The following SLAIN2 variants were observed in gnomAD, a reference collection of about 807,000 sequenced individuals.
SLAIN2 encodes SLAIN family member 2.
A neutral mutation model predicts 56.6 loss-of-function variants in SLAIN2; 31 were observed. The ratio of observed to expected loss-of-function variants is 0.55; its 90% CI spans 0.41 to 0.74. SLAIN2 has a LOEUF of 0.74. Among genes scored for constraint, SLAIN2 ranks in the 30% least tolerant of loss-of-function variants. SLAIN2 has a pLI of 0.00. For synonymous variants in SLAIN2, 317 were observed against 284.9 expected (o/e 1.11, Z -1.13); for missense variants, 777 against 754.2 (o/e 1.03, Z -0.35).
intron 1 of SLAIN2, among the ~76,000 whole-genome samples, chr4:48,368,926 A>G (rs1484967234): frequency 1.3e-5 from 2 of 152,220 alleles, no homozygotes; most frequent in East Asian, 3.8e-4. Flanking sequence ...AGTTCTGTAG[A>G]TACATCTTTA....
intron 6 of SLAIN2, 94 bp from the exon 7 acceptor site, chr4:48,420,031 G>C: frequency 8.1e-7 from 1 of 1,234,274 alleles, no homozygotes; most frequent in Non-Finnish European, 1.1e-6. Context: ...GAATACACAT[G>C]TACTAGTGCC....
chr4:48,351,487 T>C (rs915053322), intron 1 of SLAIN2, among the ~76,000 whole-genome samples: 5 of 152,160 alleles, frequency 3.3e-5, no homozygotes, highest in South Asian at 4.1e-4. Context: ...TATTTGCCAT[T>C]GGTTATACTT....
At chr4:48,378,389 A>G (rs1051124850) in intron 3 of SLAIN2, among the ~76,000 whole-genome samples, 3 of 152,224 alleles carry the variant, frequency 2.0e-5, no homozygotes, top group African/African-American at 7.2e-5. Flanking sequence ...AAAACTACAG[A>G]GTTAAAACCT....
At chr4:48,381,058 C>T (rs935486850) in intron 4 of SLAIN2, among the ~76,000 whole-genome samples, 2 of 152,072 alleles carry the variant, frequency 1.3e-5, no homozygotes, top group Admixed American at 6.5e-5. Flanking sequence ...GTGGTATTGT[C>T]AGCTGGTTAG....
intron 6 of SLAIN2, among the ~76,000 whole-genome samples, chr4:48,391,571 A>G (rs1353596220): frequency 3.3e-5 from 5 of 152,176 alleles, no homozygotes; most frequent in African/African-American, 4.8e-5. Context: ...CCTACAGACA[A>G]TACACCCACT....
At chr4:48,387,610 CAT>C (rs551662418) in intron 6 of SLAIN2, 3 of 151,410 alleles carry the variant, frequency 2.0e-5, no homozygotes, top group Non-Finnish European at 2.9e-5. Flanking sequence ...TAAAATGTCA[CAT>C]ATTTATTTTG....
In SLAIN2 at chr4:48,420,074, C is replaced by A. The variant is rs1201083763; in HGVS notation, c.1361-51C>A. The A allele has an allele frequency of 1.1e-5, 17 of 1,567,144 alleles. No individual in the cohort carries two copies. The Admixed American group carries it at 2.6e-4, about 24-fold the overall frequency. Reference sequence around the variant, plus strand: ...CAGTTGTAATTTAAAGCAATGGTTTCATATATACAGATTTCCACTCAAAAA... The same window carrying A: ...CAGTTGTAATTTAAAGCAATGGTTTAATATATACAGATTTCCACTCAAAAA... On this transcript the variant is annotated intron_variant, in intron 6 of 7. Transcript: ENST00000264313.
chr4:48,373,507 T>TGA (rs1715723894), intron 2 of SLAIN2, among the ~76,000 whole-genome samples: 1 of 152,104 alleles, frequency 6.6e-6, no homozygotes, highest in African/African-American at 2.4e-5. Flanking sequence ...GCAAACCTGT[T>TGA]AAGTATCAGG....
intron 6 of SLAIN2, among the ~76,000 whole-genome samples, chr4:48,384,436 T>C (rs1716050123): frequency 2.6e-5 from 4 of 152,342 alleles, no homozygotes; most frequent in Admixed American, 2.0e-4. Context: ...TGAATCAATA[T>C]GTATGCCAAA....
At chr4:48,369,043 C>G (rs145771599) in intron 1 of SLAIN2, among the ~76,000 whole-genome samples, 4 of 152,214 alleles carry the variant, frequency 2.6e-5, no homozygotes, top group African/African-American at 9.6e-5. Flanking sequence ...TATACAGTAT[C>G]GAAGCCTAAT....
chr4:48,388,743 A>G (rs1163165059), intron 6 of SLAIN2, among the ~76,000 whole-genome samples: 1 of 152,224 alleles, frequency 6.6e-6, no homozygotes, highest in Non-Finnish European at 1.5e-5. Context: ...GCATCTTGGA[A>G]AACATTCTTG....
At chr4:48,390,845 A>T (rs1716221953) in intron 6 of SLAIN2, among the ~76,000 whole-genome samples, 1 of 152,190 alleles carries the variant, frequency 6.6e-6, no homozygotes, top group African/African-American at 2.4e-5. Flanking sequence ...CAATCTGTCT[A>T]CTCTTACTTG....
intron 6 of SLAIN2, among the ~76,000 whole-genome samples, chr4:48,412,611 A>G (rs541224549): frequency 6.6e-6 from 1 of 152,186 alleles, no homozygotes; most frequent in Non-Finnish European, 1.5e-5. Context: ...TAAGCTGTAA[A>G]TGTTTGCTGG....
intron 6 of SLAIN2, among the ~76,000 whole-genome samples, chr4:48,418,786 C>G (rs1717066023): frequency 6.6e-6 from 1 of 152,138 alleles, no homozygotes; most frequent in Non-Finnish European, 1.5e-5. Context: ...AACATTTGTT[C>G]TGCTGCTTGT....
chr4:48,342,162 G>A, intron 1 of SLAIN2, 34 bp downstream of exon 1: 1 of 1,332,806 alleles, frequency 7.5e-7, no homozygotes, highest in South Asian at 2.0e-5. Context: ...AGCTGGGCGG[G>A]GACGGGCCCG....
At chr4:48,419,125 CAG>C (rs1294248001) in intron 6 of SLAIN2, among the ~76,000 whole-genome samples, 3 of 148,124 alleles carry the variant, frequency 2.0e-5, no homozygotes, top group African/African-American at 7.5e-5. Flanking sequence ...TTTTTTGAGA[CAG>C]AGTCTCGCTC....
chr4:48,392,124 T>C (rs1438944074), intron 6 of SLAIN2, among the ~76,000 whole-genome samples: 1 of 152,242 alleles, frequency 6.6e-6, no homozygotes, highest in African/African-American at 2.4e-5. Flanking sequence ...AGAAAACTAA[T>C]CAAATTAAGA....
intron 1 of SLAIN2, among the ~76,000 whole-genome samples, chr4:48,369,324 A>C (rs1430191145): frequency 2.6e-5 from 4 of 152,222 alleles, no homozygotes; most frequent in Non-Finnish European, 4.4e-5. Flanking sequence ...GCAATTTAGT[A>C]ATTGATTCAC....
In SLAIN2 at chr4:48,423,072, C is replaced by T. The variant is rs1213539363; in HGVS notation, c.*995C>T. On this transcript the variant is annotated 3_prime_UTR_variant, in exon 8 of 8. Transcript: ENST00000264313. ...AGAGAGGGGGAAAAAAATCTATGCA[C>T]TTAACCTACAAAATCTCTGGTGATG... 6.6e-6 allele frequency: 1 copy of T among 152,160 alleles called. No individual in the cohort carries two copies. Among genetic ancestry groups the T allele is most frequent in the Non-Finnish European group, 1.5e-5 (1 of 68,030 alleles). The allele number at this position is 152,160 out of a possible 1,614,324, so 9.4% of individuals were successfully genotyped here. A position where few individuals can be genotyped will look rare whatever the true frequency, so the allele number is the denominator to read the frequency against.
Sources: allele counts gnomAD v4.1 joint callset (sites outside exome capture counted in the v4.1 genomes callset), GRCh38; gene constraint gnomAD v4.1.1; transcripts MANE v1.5; gene names NCBI Gene and HGNC (gene_info 2026-07-23, HGNC 2026-07-21).